The following OTX2 variants were observed in gnomAD, a reference collection of about 807,000 sequenced individuals.
OTX2 encodes the protein orthodenticle homeobox 2.
A neutral mutation model predicts 29.0 loss-of-function variants in OTX2; 4 were observed. That is an observed-to-expected ratio of 0.14 (90% CI 0.07 to 0.32). The LOEUF (loss-of-function observed/expected upper bound fraction) is 0.32, where lower values mean the gene tolerates loss of function less well. OTX2 is among the 10% of genes least tolerant of loss of function. The pLI is 1.00. For synonymous variants in OTX2, 134 were observed against 141.0 expected (o/e 0.95, Z 0.35); for missense variants, 298 against 365.9 (o/e 0.81, Z 1.51).
rs758228717 is a variant in OTX2 at position 56,801,871 on chromosome 14, G to C, written c.758C>G (p.Ala253Gly). 1.2e-6 allele frequency: 2 copies of C among 1,614,204 alleles called. No homozygotes were observed. Among genetic ancestry groups the C allele is most frequent in the Non-Finnish European group, 1.7e-6 (2 of 1,180,038 alleles). Residue 253 changes from alanine to glycine, a missense_variant, in exon 5 of 5, where the codon GCT becomes GGT. Physicochemically the swap from Ala to Gly is moderately conservative, Grantham distance 60. Coordinates refer to ENST00000672264, the MANE Select transcript of OTX2 (RefSeq NM_021728.4). The surrounding 1 kb of genome is among the most constrained non-coding windows in gnomAD (Gnocchi z 4.2). ...GGTTGAGTTAAAACCCAAGCTTGAAGCTCCATATCCCTGGGTGGAAAGAGA... is the reference window on the plus strand; with the variant it reads ...GGTTGAGTTAAAACCCAAGCTTGAACCTCCATATCCCTGGGTGGAAAGAGA... The part of the protein sequence containing the change: ...PASLSTQGYG[A>G]SSLGFNSTTD...
At chr14:56,803,899 T>C (rs1891980453) in intron 4 of OTX2, among the ~76,000 whole-genome samples, 1 of 152,112 alleles carries the variant, frequency 6.6e-6, no homozygotes, top group South Asian at 2.1e-4. Context: ...AGGATTTCTA[T>C]ACAGAGGAAG....
At chr14:56,808,717 G>T (rs1199562864) in intron 2 of OTX2, among the ~76,000 whole-genome samples, 2 of 152,166 alleles carry the variant, frequency 1.3e-5, no homozygotes, top group Non-Finnish European at 2.9e-5. Context: ...ATGGAGGGGA[G>T]AATTTCTAGG....
Position 56,804,362 on chromosome 14 carries a change from C to T in OTX2, c.99G>A (p.Gly33=). The change falls in exon 4 of 5, where the codon GGG becomes GGA. Residue 33 remains glycine (G), a splice_region_variant and synonymous_variant. Coordinates refer to ENST00000672264, the MANE Select transcript of OTX2 (RefSeq NM_021728.4). This position sits in a 1 kb window ranked among gnomAD's most constrained non-coding sequence, Gnocchi z 4.1. ...TGGCTGCGGGACAAGAAGCCCAGGG[C>T]CCTTTAGGGTGGGGGAGCAGTTTCT... ...DLLHPSVGYP[G]PWASCPAATP... 6.2e-7 allele frequency: 1 copy of T among 1,612,922 alleles called. No individual in the cohort carries two copies. The highest frequency in any genetic ancestry group is 8.5e-7 in the Non-Finnish European group (1 of 1,179,488).
chr14:56,806,881 A>G (rs1892103862), intron 2 of OTX2, among the ~76,000 whole-genome samples: 1 of 152,228 alleles, frequency 6.6e-6, no homozygotes, highest in Admixed American at 6.5e-5. Flanking sequence ...TTTTCCTAAA[A>G]TGTGGCACTT....
At chr14:56,809,953 A>G (rs1300349975) in intron 2 of OTX2, among the ~76,000 whole-genome samples, 2 of 152,202 alleles carry the variant, frequency 1.3e-5, no homozygotes, top group African/African-American at 4.8e-5. Flanking sequence ...CCTCTCTCCC[A>G]CTACCGCTCT....
chr14:56,803,099 C>G (rs559324648), intron 4 of OTX2, among the ~76,000 whole-genome samples: 1 of 152,330 alleles, frequency 6.6e-6, no homozygotes, highest in South Asian at 2.1e-4. Flanking sequence ...GCTGTGTTTA[C>G]TGACTTACCA....
At chr14:56,805,704 C>T in intron 2 of OTX2, 129 bp from the exon 3 acceptor site, 2 of 492,350 alleles carry the variant, frequency 4.1e-6, no homozygotes, top group Non-Finnish European at 7.4e-6. Flanking sequence ...AAAGGACTTG[C>T]AGACACTCCC....
chr14:56,809,868 A>C (rs1373842660), intron 2 of OTX2, among the ~76,000 whole-genome samples: 2 of 152,070 alleles, frequency 1.3e-5, no homozygotes, highest in Non-Finnish European at 2.9e-5. Context: ...AAACCTTCCA[A>C]AACACCCCAG....
rs397724527 is a variant in OTX2 at position 56,804,877 on chromosome 14, A to AG, written c.97+482_97+483insC. On this transcript the variant is annotated intron_variant, in intron 3 of 4. Transcript: ENST00000672264. The surrounding 1 kb of genome is among the most constrained non-coding windows in gnomAD (Gnocchi z 4.1). ...AAAGCACCCGCATTTGGAGGAAGTCACGCCTCTTGGGATTAAAGCAGGCTC... is the reference window on the plus strand; with the variant it reads ...AAAGCACCCGCATTTGGAGGAAGTCAGCGCCTCTTGGGATTAAAGCAGGCTC... 4.1e-5 allele frequency among the ~76,000 whole-genome samples: 3 copies of AG among 72,308 alleles called. No individual in the cohort carries two copies. Among genetic ancestry groups the AG allele is most frequent in the Non-Finnish European group, 6.6e-5 (2 of 30,440 alleles). 47.4% of individuals were successfully genotyped at this position (72,308 alleles called of 152,430 possible). A position where few individuals can be genotyped will look rare whatever the true frequency, so the allele number is the denominator to read the frequency against.
intron 2 of OTX2, among the ~76,000 whole-genome samples, chr14:56,808,506 G>C (rs1387819705): frequency 1.3e-5 from 2 of 152,168 alleles, no homozygotes. Context: ...GAGGGAGGGA[G>C]GAAGAAACGT....
chr14:56,807,583 G>T (rs932178082), intron 2 of OTX2, among the ~76,000 whole-genome samples: 1 of 152,122 alleles, frequency 6.6e-6, no homozygotes, highest in African/African-American at 2.4e-5. Context: ...CCTTCCAGGG[G>T]CTCCTTTGCC....
chr14:56,809,634 C>A (rs892014258), intron 2 of OTX2, among the ~76,000 whole-genome samples: 1 of 152,102 alleles, frequency 6.6e-6, no homozygotes, highest in Admixed American at 6.5e-5. Flanking sequence ...CAGGCCGACC[C>A]GCAAGCGAAC....
rs1045412281 is a variant in OTX2, at chr14:56,800,931, C to T, written c.*804G>A. 1 of 152,544 alleles carries T rather than the reference C, an allele frequency of 6.6e-6. No homozygotes were observed. Among genetic ancestry groups the T allele is most frequent in the African/African-American group, 2.4e-5 (1 of 41,460 alleles). 9.4% of individuals were successfully genotyped at this position (152,544 alleles called of 1,614,324 possible). A position where few individuals can be genotyped will look rare whatever the true frequency, so the allele number is the denominator to read the frequency against. ...GTGTCCTTTTGCTTCTCTTCTCTGA[C>T]TCTCTTTGTCCAGAGACATTTTGTC... On this transcript the variant is annotated 3_prime_UTR_variant, in exon 5 of 5. Coordinates refer to ENST00000672264, the MANE Select transcript of OTX2 (RefSeq NM_021728.4).
chr14:56,804,397 G>A lies in OTX2; in HGVS notation c.98-34C>T. On this transcript the variant is annotated intron_variant, in intron 3 of 4. Coordinates refer to ENST00000672264, the MANE Select transcript of OTX2 (RefSeq NM_021728.4). This position sits in a 1 kb window ranked among gnomAD's most constrained non-coding sequence, Gnocchi z 4.1. ...TGGGGGAGCAGTTTCTCAGTCATAG[G>A]CGTTTCCGCGGGTTCTCCGACGCCC... The A allele has an allele frequency of 3.1e-6, 5 of 1,593,466 alleles. No homozygotes were observed. Among genetic ancestry groups the A allele is most frequent in the Non-Finnish European group, 3.4e-6 (4 of 1,167,848 alleles).
intron 2 of OTX2, among the ~76,000 whole-genome samples, chr14:56,809,562 C>G (rs1366211782): frequency 6.6e-6 from 1 of 152,200 alleles, no homozygotes; most frequent in African/African-American, 2.4e-5. Context: ...CTCGGTTATC[C>G]GCTCCGGTTT....
At position 56,801,445 on chromosome 14, in the gene OTX2, G is replaced by A. The variant is rs1487705519; in HGVS notation, c.*290C>T. 1.3e-5 allele frequency: 6 copies of A among 462,998 alleles called. No individual in the cohort carries two copies. The highest frequency in any genetic ancestry group is 2.4e-5 in the Non-Finnish European group (6 of 253,436). 28.7% of individuals were successfully genotyped at this position (462,998 alleles called of 1,614,324 possible). The stretch of plus-strand genomic sequence containing the variant: ...TTAGTTTTGTTTGATTTTATTTTTG[G>A]TGGTGTTTGGTTGCACATGGCTAGA... On this transcript the variant is annotated 3_prime_UTR_variant, in exon 5 of 5. Coordinates refer to ENST00000672264, the MANE Select transcript of OTX2 (RefSeq NM_021728.4). This position sits in a 1 kb window ranked among gnomAD's most constrained non-coding sequence, Gnocchi z 4.2.
Position 56,804,096 on chromosome 14 carries a change from C to T in OTX2, c.273+92G>A. The T allele has an allele frequency of 7.0e-7, 1 of 1,431,442 alleles. No homozygotes were observed. The highest frequency in any genetic ancestry group is 9.9e-7 in the Non-Finnish European group (1 of 1,015,056). 88.7% of individuals were successfully genotyped at this position (1,431,442 alleles called of 1,614,324 possible). ...TGAAGGAGAATTTCAAGCCTTCCTTCAGTCCTCTGAAAGACCTGGGGCTCT... is the reference window on the plus strand; with the variant it reads ...TGAAGGAGAATTTCAAGCCTTCCTTTAGTCCTCTGAAAGACCTGGGGCTCT... On this transcript the variant is annotated intron_variant, in intron 4 of 4. Coordinates refer to ENST00000672264, the MANE Select transcript of OTX2 (RefSeq NM_021728.4). The surrounding 1 kb of genome is among the most constrained non-coding windows in gnomAD (Gnocchi z 4.1).
At chr14:56,809,544 C>T (rs187849701) in intron 2 of OTX2, among the ~76,000 whole-genome samples, 1 of 152,318 alleles carries the variant, frequency 6.6e-6, no homozygotes, top group Admixed American at 6.5e-5. Flanking sequence ...GCCAGCGCTC[C>T]CAGCCTCCTC....
intron 2 of OTX2, among the ~76,000 whole-genome samples, chr14:56,809,168 G>A (rs1892191189): frequency 1.3e-5 from 2 of 152,186 alleles, no homozygotes; most frequent in African/African-American, 4.8e-5. Context: ...CGGTCCCAGC[G>A]GGAGGATTCC....
Sources: gnomAD v4.1 joint callset for allele counts (sites outside exome capture counted in the v4.1 genomes callset) on GRCh38, gnomAD v4.1.1 for gene constraint, Gnocchi (gnomAD v3.1) non-coding constraint, MANE v1.5 for transcripts, NCBI Gene and HGNC (gene_info 2026-07-23, HGNC 2026-07-21) for gene names.